Variants in DUS2 observed in about 807,000 individuals in gnomAD.
The protein encoded by DUS2 is dihydrouridine synthase 2.
Under a neutral mutation model 71.3 loss-of-function variants are expected in DUS2, and 52 were observed. The ratio of observed to expected loss-of-function variants is 0.73; its 90% CI spans 0.58 to 0.92. The LOEUF is 0.92. Among genes scored for constraint, DUS2 ranks in the 40% least tolerant of loss-of-function variants. The pLI is 0.00. For synonymous variants in DUS2, 204 were observed against 227.8 expected (o/e 0.90, Z 0.94); for missense variants, 558 against 622.6 (o/e 0.90, Z 1.10).
At chr16:68,060,601 A>C (rs2033925445) in intron 7 of DUS2, among the ~76,000 whole-genome samples, 1 of 152,156 alleles carries the variant, frequency 6.6e-6, no homozygotes, top group Non-Finnish European at 1.5e-5. Context: ...GGCGTGAGCC[A>C]CCACGCCCAG....
intron 12 of DUS2, among the ~76,000 whole-genome samples, chr16:68,071,375 G>C (rs953710109): frequency 3.9e-5 from 6 of 152,184 alleles, no homozygotes; most frequent in African/African-American, 1.4e-4. Flanking sequence ...TCTAGATCCA[G>C]GATGCTGTTG....
At chr16:68,063,293 G>A (rs2033964612) in intron 8 of DUS2, among the ~76,000 whole-genome samples, 1 of 152,160 alleles carries the variant, frequency 6.6e-6, no homozygotes, top group Non-Finnish European at 1.5e-5. Context: ...GATTCAATTC[G>A]GGTCCAGACT....
chr16:68,078,112 G>A (rs1165926891), intron 15 of DUS2: 4 of 355,256 alleles, frequency 1.1e-5, no homozygotes, highest in Non-Finnish European at 2.1e-5. Flanking sequence ...TCTGCTCCTA[G>A]CTTGTCCCTT....
At chr16:68,054,643 C>T (rs2033826404) in intron 6 of DUS2, 26 bp downstream of exon 6, 2 of 1,613,894 alleles carry the variant, frequency 1.2e-6, no homozygotes, top group South Asian at 1.1e-5. Context: ...GTCTTTAGCA[C>T]TGCCTTTGCC....
At chr16:68,034,159 C>T (rs1281475018) in intron 2 of DUS2, among the ~76,000 whole-genome samples, 1 of 152,080 alleles carries the variant, frequency 6.6e-6, no homozygotes, top group Non-Finnish European at 1.5e-5. Context: ...ACCTCTGCCT[C>T]CCAGGCTCTA....
chr16:68,026,824 T>G (rs1225866425), intron 2 of DUS2: 1 of 141,754 alleles, frequency 7.1e-6, no homozygotes, highest in Non-Finnish European at 1.5e-5. Flanking sequence ...TGCAGTGACC[T>G]GAGATTGTGC....
At chr16:68,037,343 A>T (rs2151413141) in intron 2 of DUS2, among the ~76,000 whole-genome samples, 1 of 151,576 alleles carries the variant, frequency 6.6e-6, no homozygotes, top group South Asian at 2.1e-4. Flanking sequence ...CAGCACTCTG[A>T]GAGGCTAAGG....
rs761435671 is a variant in DUS2, at chr16:68,070,127, C to T, written c.555-7C>T. The T allele has an allele frequency of 1.9e-6, 3 of 1,613,902 alleles. No individual in the cohort carries two copies. Among genetic ancestry groups the T allele is most frequent in the Non-Finnish European group, 2.5e-6 (3 of 1,179,808 alleles). ...TTAGCCCTCAGCCCCATCTTTCTAT[C>T]TCCAAGGAAGCGGGAGGAGCGACCT... On this transcript the variant is annotated splice_region_variant and splice_polypyrimidine_tract_variant and intron_variant, in intron 10 of 16. Coordinates refer to ENST00000565263, the MANE Select transcript of DUS2 (RefSeq NM_017803.5).
chr16:68,059,367 A>T (rs181357325), intron 7 of DUS2, among the ~76,000 whole-genome samples: 168 of 152,350 alleles, frequency 1.1e-3, no homozygotes, highest in Non-Finnish European at 7.2e-4. Flanking sequence ...GGAAGGAAGG[A>T]AATTCCATTG....
At chr16:68,076,758 A>G in intron 15 of DUS2, 39 bp downstream of exon 15, 1 of 1,554,602 alleles carries the variant, frequency 6.4e-7, no homozygotes, top group Non-Finnish European at 8.9e-7. Flanking sequence ...AGCCAGTCAC[A>G]GCACTCCCAT....
At chr16:68,028,338 A>G (rs1022392842) in intron 2 of DUS2, among the ~76,000 whole-genome samples, 1 of 152,092 alleles carries the variant, frequency 6.6e-6, no homozygotes, top group Non-Finnish European at 1.5e-5. Context: ...ATAACAACAT[A>G]ATAATAGACG....
At chr16:68,039,350 G>A (rs1567471416) in intron 3 of DUS2, among the ~76,000 whole-genome samples, 2 of 151,640 alleles carry the variant, frequency 1.3e-5, no homozygotes, top group Non-Finnish European at 2.9e-5. Context: ...CCTGTGGGGG[G>A]CTAGGCAGGA....
chr16:68,032,930 AAG>A (rs2033462025), intron 2 of DUS2, among the ~76,000 whole-genome samples: 1 of 150,956 alleles, frequency 6.6e-6, no homozygotes, highest in Non-Finnish European at 1.5e-5. Flanking sequence ...AAAAAAAAAA[AAG>A]GGAATGCCAG....
intron 7 of DUS2, among the ~76,000 whole-genome samples, chr16:68,057,235 CAT>C (rs66818755): frequency 5.6e-5 from 8 of 142,186 alleles, no homozygotes; most frequent in Non-Finnish European, 6.1e-5. Flanking sequence ...TGTATAGATA[CAT>C]ATATATATAT....
At position 68,078,765 on chromosome 16, in the gene DUS2, C is replaced by G. The variant is rs902901204; in HGVS notation, c.1261C>G (p.Leu421Val). 1 of 1,608,542 alleles carries G rather than the reference C, an allele frequency of 6.2e-7. No homozygotes were observed. The highest frequency in any genetic ancestry group is 1.3e-5 in the African/African-American group (1 of 74,832). Residue 421 changes from leucine (L) to valine (V), a missense_variant, in exon 17 of 17, where the codon CTG becomes GTG. Physicochemically the swap from Leu to Val is conservative, Grantham distance 32. Transcript: ENST00000565263. The part of the protein sequence containing the change: ...QSTLWDKSKK[L>V]AEQAAAIVCL... ...TCTGCTCAGGGACAAGTCCAAGAAA[C>G]TGGCGGAGCAGGCTGCAGCCATCGT...
intron 8 of DUS2, 123 bp downstream of exon 8, chr16:68,061,236 C>G: frequency 9.7e-7 from 1 of 1,030,910 alleles, no homozygotes; most frequent in Non-Finnish European, 1.4e-6. Flanking sequence ...TCCCTGAGGC[C>G]TAGCGATTTC....
chr16:68,032,434 A>G (rs575676812), intron 2 of DUS2, among the ~76,000 whole-genome samples: 1 of 152,352 alleles, frequency 6.6e-6, no homozygotes, highest in Admixed American at 6.5e-5. Context: ...AAGAAACTAC[A>G]GCAGTCAGTG....
intron 2 of DUS2, among the ~76,000 whole-genome samples, chr16:68,037,415 CTTTTTTTTTT>C (rs945193739): frequency 7.6e-6 from 1 of 131,760 alleles, no homozygotes; most frequent in East Asian, 2.2e-4. Flanking sequence ...GAAACTCCAT[CTTTTTTTTTT>C]TTTTTTTTTG....
At chr16:68,024,190 G>T (rs1330119444) in intron 1 of DUS2, among the ~76,000 whole-genome samples, 1 of 149,762 alleles carries the variant, frequency 6.7e-6, no homozygotes, top group East Asian at 1.9e-4. Context: ...TCCACCTCCT[G>T]GGTTCAGGTG....
Sources: gnomAD v4.1 joint callset for allele counts (sites outside exome capture counted in the v4.1 genomes callset) on GRCh38, gnomAD v4.1.1 for gene constraint, MANE v1.5 for transcripts, NCBI Gene and HGNC (gene_info 2026-07-23, HGNC 2026-07-21) for gene names.